The following SUMF1 variants were observed in gnomAD, a reference collection of about 807,000 sequenced individuals.
SUMF1 encodes formylglycine-generating enzyme.
SUMF1 carries 48 observed loss-of-function variants against 47.6 expected under a neutral mutation model. That is an observed-to-expected ratio of 1.01 (90% CI 0.80 to 1.28). The LOEUF (loss-of-function observed/expected upper bound fraction) is 1.28, where lower values mean the gene tolerates loss of function less well. Among genes scored for constraint, SUMF1 ranks in the 50% most tolerant of loss-of-function variants. SUMF1 has a pLI of 0.00. For missense variants in SUMF1, 571 were observed against 485.4 expected (o/e 1.18, Z -1.66); for synonymous variants, 230 against 192.1 (o/e 1.20, Z -1.63).
chr3:4,250,401 G>C (rs993006812), intron 8 of SUMF1, among the ~76,000 whole-genome samples: 3 of 152,080 alleles, frequency 2.0e-5, no homozygotes, highest in Admixed American at 2.0e-4. Context: ...TTTGAGAAAA[G>C]CCATTTCCTG....
chr3:4,093,012 C>T (rs1223133667), intron 8 of SUMF1, among the ~76,000 whole-genome samples: 2 of 152,086 alleles, frequency 1.3e-5, no homozygotes, highest in Non-Finnish European at 2.9e-5. Context: ...TGACTGAATA[C>T]ATGCAGTGCT....
intron 8 of SUMF1, among the ~76,000 whole-genome samples, chr3:4,104,705 C>T (rs2125064523): frequency 6.7e-6 from 1 of 148,606 alleles, no homozygotes; most frequent in South Asian, 2.2e-4. Context: ...TGTCTCTCCT[C>T]CCAGCCCCTA....
intron 9 of SUMF1, among the ~76,000 whole-genome samples, chr3:4,044,055 G>A (rs1184279853): frequency 1.3e-5 from 2 of 151,946 alleles, no homozygotes; most frequent in African/African-American, 2.4e-5. Context: ...TGGCCTCTAG[G>A]GTGCCTTCTC....
chr3:4,181,686 A>C (rs1899781), intron 8 of SUMF1, among the ~76,000 whole-genome samples: 111,247 of 151,902 alleles, frequency 0.73, 40,941 homozygotes, highest in Admixed American at 0.8. Flanking sequence ...TATGCCCAAG[A>C]AAGAGTGTCC....
Position 4,257,864 on chromosome 3 carries a change from C to T in SUMF1, c.1014+118466G>A, listed in dbSNP as rs565800497. ...TCACGCTACCTGACTTCAAACTATACTACAAGGCTACAGTAACCAAAACAG... is the reference window on the plus strand; with the variant it reads ...TCACGCTACCTGACTTCAAACTATATTACAAGGCTACAGTAACCAAAACAG... On this transcript the variant is annotated intron_variant and NMD_transcript_variant, in intron 8 of 12. Coordinates refer to the SUMF1 transcript ENST00000448413. Among the ~76,000 whole-genome samples, 288 of 151,358 alleles carry T rather than the reference C, an allele frequency of 1.9e-3. 4 individuals carry two copies. Among genetic ancestry groups the T allele is most frequent in the Non-Finnish European group, 3.2e-3 (213 of 67,434 alleles).
chr3:4,376,416 T>C lies in SUMF1; in HGVS notation c.955-27A>G, dbSNP rs189160903. The C allele has an allele frequency of 5.5e-3, 8,836 of 1,613,470 alleles. 43 individuals carry two copies. The highest frequency in any genetic ancestry group is 6.8e-3 in the Non-Finnish European group (7,980 of 1,179,414). On this transcript the variant is annotated intron_variant, in intron 7 of 8. Transcript: ENST00000272902. Reference sequence around the variant, plus strand: ...TACAGATGAAGAAAAAAGGCTATGTTAGACCAGAAGGCAAAGCTGCCCCTT... The same window carrying C: ...TACAGATGAAGAAAAAAGGCTATGTCAGACCAGAAGGCAAAGCTGCCCCTT...
intron 8 of SUMF1, among the ~76,000 whole-genome samples, chr3:4,166,180 T>G (rs1694702397): frequency 6.6e-6 from 1 of 152,100 alleles, no homozygotes; most frequent in African/African-American, 2.4e-5. Flanking sequence ...ACTGATGAAT[T>G]CTCAAAACCT....
chr3:4,303,376 C>A (rs1447865017), intron 8 of SUMF1: 37 of 1,547,744 alleles, frequency 2.4e-5, no homozygotes, highest in Non-Finnish European at 3.1e-5. Context: ...GGTAAATGTT[C>A]GCGGAAGCGG....
At chr3:4,150,146 G>C (rs1019947541) in intron 8 of SUMF1, among the ~76,000 whole-genome samples, 18 of 135,402 alleles carry the variant, frequency 1.3e-4, no homozygotes, top group Non-Finnish European at 4.9e-5. Flanking sequence ...CCAGGCTGGA[G>C]TGCACTGGCG....
At chr3:4,430,777 CCAAT>C (rs1553579456) in intron 3 of SUMF1, among the ~76,000 whole-genome samples, 7 of 151,976 alleles carry the variant, frequency 4.6e-5, no homozygotes, top group Non-Finnish European at 8.8e-5. Context: ...GGTGGGGCAC[CCAAT>C]CAAAGTCAGG....
intron 7 of SUMF1, among the ~76,000 whole-genome samples, chr3:4,392,628 T>A (rs1467293985): frequency 6.8e-6 from 1 of 148,014 alleles, no homozygotes; most frequent in African/African-American, 2.5e-5. Context: ...TATATATATA[T>A]ATATATATAT....
At chr3:4,451,369 T>C (rs558979459) in intron 2 of SUMF1, among the ~76,000 whole-genome samples, 1 of 152,328 alleles carries the variant, frequency 6.6e-6, no homozygotes, top group East Asian at 1.9e-4. Context: ...GTTTGCATCA[T>C]AATTGAAGAA....
intron 7 of SUMF1, among the ~76,000 whole-genome samples, chr3:4,388,615 CT>C (rs1700748902): frequency 6.6e-6 from 1 of 151,806 alleles, no homozygotes; most frequent in Admixed American, 6.6e-5. Flanking sequence ...TGTTTTCTGT[CT>C]GTTCTCTATT....
intron 8 of SUMF1, among the ~76,000 whole-genome samples, chr3:4,116,875 A>T (rs1693435083): frequency 6.6e-6 from 1 of 152,152 alleles, no homozygotes; most frequent in Admixed American, 6.5e-5. Context: ...ACCACTTGGA[A>T]GATAAATAAG....
rs1698674055 is a variant in SUMF1, at chr3:4,316,766, C to T, written c.1014+59564G>A. 1.9e-6 allele frequency: 3 copies of T among 1,550,666 alleles called. No individual in the cohort carries two copies. The African/African-American group carries it at 4.1e-5, about 21-fold the overall frequency. On this transcript the variant is annotated intron_variant and NMD_transcript_variant, in intron 8 of 12. Coordinates refer to the SUMF1 transcript ENST00000448413. ...CTCCAAAGCACTTCCCAAAGCCAAT[C>T]TTGCACCCAAAAAAGGTCATGGTCA...
chr3:4,395,233 G>A (rs114547395), intron 7 of SUMF1, among the ~76,000 whole-genome samples: 2,079 of 152,138 alleles, frequency 0.014, 38 homozygotes, highest in African/African-American at 0.048. Context: ...TCTCACCCCC[G>A]TGCCTAACCA....
intron 3 of SUMF1, among the ~76,000 whole-genome samples, chr3:4,432,643 A>T (rs1167790062): frequency 6.6e-6 from 1 of 152,186 alleles, no homozygotes. Flanking sequence ...TATAAATAAA[A>T]GACCCAAGAG....
At chr3:4,424,164 A>G (rs1701994542) in intron 3 of SUMF1, among the ~76,000 whole-genome samples, 1 of 152,138 alleles carries the variant, frequency 6.6e-6, no homozygotes, top group Non-Finnish European at 1.5e-5. Flanking sequence ...CTAAAATTCA[A>G]ATTGATGGGT....
At chr3:4,264,295 A>G (rs1299918456) in intron 8 of SUMF1, among the ~76,000 whole-genome samples, 1 of 152,178 alleles carries the variant, frequency 6.6e-6, no homozygotes, top group Non-Finnish European at 1.5e-5. Flanking sequence ...TCTGGGCCAG[A>G]GCCTGGAGCT....
Sources: allele counts gnomAD v4.1 joint callset (sites outside exome capture counted in the v4.1 genomes callset), GRCh38; gene constraint gnomAD v4.1.1; transcripts MANE v1.5; gene names NCBI Gene and HGNC (gene_info 2026-07-23, HGNC 2026-07-21).